SEMA3A: variants seen among roughly 807,000 people sequenced by gnomAD.
SEMA3A encodes the protein semaphorin 3A.
A neutral mutation model predicts 97.9 loss-of-function variants in SEMA3A; 29 were observed. That is an observed-to-expected ratio of 0.30 (90% CI 0.22 to 0.40). SEMA3A has a LOEUF of 0.40. Among genes scored for constraint, SEMA3A ranks in the 10% least tolerant of loss-of-function variants. The probability of loss-of-function intolerance (pLI) is 1.00; values close to 1 mark genes in which losing one functional copy is unlikely to be tolerated. For missense variants in SEMA3A, 763 were observed against 951.3 expected (o/e 0.80, Z 2.60); for synonymous variants, 321 against 323.7 (o/e 0.99, Z 0.09).
At chr7:84,322,728 G>C (rs568735634) in intron 2 of SEMA3A, among the ~76,000 whole-genome samples, 22 of 152,280 alleles carry the variant, frequency 1.4e-4, no homozygotes, top group African/African-American at 5.3e-4. Flanking sequence ...TTAGCAGCGT[G>C]AGAACAGACT....
chr7:84,191,970 C>A (rs1798054330), intron 1 of SEMA3A, among the ~76,000 whole-genome samples: 1 of 151,890 alleles, frequency 6.6e-6, no homozygotes, highest in Non-Finnish European at 1.5e-5. Flanking sequence ...TTTAACATGT[C>A]AAGTCTCTTT....
chr7:84,001,122 T>TATC (rs970329545), intron 12 of SEMA3A, among the ~76,000 whole-genome samples: 1 of 152,136 alleles, frequency 6.6e-6, no homozygotes, highest in African/African-American at 2.4e-5. Flanking sequence ...TCTATTCTTT[T>TATC]ATCAAAAAAT....
At chr7:84,340,166 A>T (rs1209224035) in intron 2 of SEMA3A, among the ~76,000 whole-genome samples, 1 of 152,190 alleles carries the variant, frequency 6.6e-6, no homozygotes, top group Admixed American at 6.5e-5. Context: ...ATTTCTGAAC[A>T]TGAGATTATT....
chr7:84,342,397 A>G (rs1202672709), intron 2 of SEMA3A, among the ~76,000 whole-genome samples: 1 of 152,152 alleles, frequency 6.6e-6, no homozygotes, highest in Non-Finnish European at 1.5e-5. Flanking sequence ...TGTTTATTTA[A>G]CATCTACACG....
intron 1 of SEMA3A, among the ~76,000 whole-genome samples, chr7:84,400,668 G>A (rs962928227): frequency 7.2e-5 from 11 of 152,078 alleles, no homozygotes; most frequent in Admixed American, 3.9e-4. Flanking sequence ...AAGATTTATC[G>A]GCCTTAAAGA....
At chr7:84,369,874 T>C (rs1802934890) in intron 2 of SEMA3A, among the ~76,000 whole-genome samples, 1 of 150,822 alleles carries the variant, frequency 6.6e-6, no homozygotes, top group Non-Finnish European at 1.5e-5. Context: ...TTCTTTCAGA[T>C]CATGGTGAGA....
intron 4 of SEMA3A, among the ~76,000 whole-genome samples, chr7:84,109,441 TAA>T: frequency 6.6e-6 from 1 of 152,208 alleles, no homozygotes; most frequent in East Asian, 1.9e-4. Flanking sequence ...GAAGAAAAAA[TAA>T]GTGTGTTTAG....
chr7:84,422,002 G>T (rs1459029762), intron 1 of SEMA3A, among the ~76,000 whole-genome samples: 1 of 152,068 alleles, frequency 6.6e-6, no homozygotes, highest in Non-Finnish European at 1.5e-5. Context: ...TCTCTGCCAG[G>T]TTTTGGCATC....
intron 3 of SEMA3A, among the ~76,000 whole-genome samples, chr7:84,277,409 G>A (rs1452517185): frequency 2.0e-5 from 3 of 152,042 alleles, no homozygotes; most frequent in African/African-American, 7.2e-5. Flanking sequence ...CCCGTGAATA[G>A]CAAAATCCAC....
intron 1 of SEMA3A, among the ~76,000 whole-genome samples, chr7:84,194,134 T>C (rs537054022): frequency 6.6e-6 from 1 of 152,286 alleles, no homozygotes; most frequent in East Asian, 1.9e-4. Context: ...ATTTTTGCAT[T>C]TCTATTTTTA....
intron 2 of SEMA3A, among the ~76,000 whole-genome samples, chr7:84,313,716 T>G (rs1401833839): frequency 2.0e-5 from 3 of 151,852 alleles, no homozygotes; most frequent in African/African-American, 7.2e-5. Flanking sequence ...AGAATCCAAT[T>G]TTGAAAGTAA....
intron 3 of SEMA3A, among the ~76,000 whole-genome samples, chr7:84,237,444 G>A (rs1369872893): frequency 6.6e-6 from 1 of 152,066 alleles, no homozygotes; most frequent in Non-Finnish European, 1.5e-5. Flanking sequence ...ATCAATAAAA[G>A]AGAAGAAGAA....
At chr7:84,210,471 T>C (rs1260347919) in intron 3 of SEMA3A, among the ~76,000 whole-genome samples, 1 of 151,428 alleles carries the variant, frequency 6.6e-6, no homozygotes, top group Non-Finnish European at 1.5e-5. Flanking sequence ...ATGGGAACAA[T>C]TTTGTCATTA....
chr7:84,344,369 C>T (rs751217520), intron 2 of SEMA3A, among the ~76,000 whole-genome samples: 27 of 152,134 alleles, frequency 1.8e-4, no homozygotes, highest in Non-Finnish European at 3.8e-4. Context: ...TGTGATCTCT[C>T]AGAGAAGAGC....
intron 7 of SEMA3A, among the ~76,000 whole-genome samples, chr7:84,011,821 A>AATAT (rs1790889003): frequency 6.6e-6 from 1 of 152,170 alleles, no homozygotes; most frequent in Non-Finnish European, 1.5e-5. Context: ...TTTAATTATT[A>AATAT]CACATTATAT....
At chr7:84,204,790 G>T (rs923349749) in intron 3 of SEMA3A, among the ~76,000 whole-genome samples, 1 of 152,152 alleles carries the variant, frequency 6.6e-6, no homozygotes, top group Non-Finnish European at 1.5e-5. Context: ...AGTAAGCAGA[G>T]AAACCATGAC....
intron 3 of SEMA3A, among the ~76,000 whole-genome samples, chr7:84,246,324 T>C (rs1387248327): frequency 6.6e-6 from 1 of 152,202 alleles, no homozygotes; most frequent in Non-Finnish European, 1.5e-5. Flanking sequence ...ACAAGGACTT[T>C]CCAAGCATAA....
At chr7:83,980,440 A>G (rs1789344387) in intron 14 of SEMA3A, among the ~76,000 whole-genome samples, 1 of 151,198 alleles carries the variant, frequency 6.6e-6, no homozygotes, top group South Asian at 2.1e-4. Flanking sequence ...CCCTGTGTCT[A>G]CTAAAAATAC....
chr7:84,413,965 A>G (rs2116258139), intron 1 of SEMA3A, among the ~76,000 whole-genome samples: 1 of 152,182 alleles, frequency 6.6e-6, no homozygotes, highest in Non-Finnish European at 1.5e-5. Flanking sequence ...TGAAGTATGT[A>G]TTATTATTCC....
Sources: gnomAD v4.1 joint callset for allele counts (sites outside exome capture counted in the v4.1 genomes callset) on GRCh38, gnomAD v4.1.1 for gene constraint, MANE v1.5 for transcripts, NCBI Gene and HGNC (gene_info 2026-07-23, HGNC 2026-07-21) for gene names.